The following ZNF883 variants were observed in gnomAD, a reference collection of about 807,000 sequenced individuals.
ZNF883 encodes the protein zinc finger protein 883.
At chr9:113,000,950 G>T (rs1004354142), upstream of ZNF883, among the ~76,000 whole-genome samples, 1 of 152,116 alleles carries the variant, frequency 6.6e-6, no homozygotes, top group Admixed American at 6.5e-5. Context: ...ATGCATTTAC[G>T]TTAGGGAGCA....
chr9:112,994,784 G>T (rs1170832201), downstream of ZNF883, among the ~76,000 whole-genome samples: 1 of 151,086 alleles, frequency 6.6e-6, no homozygotes, highest in African/African-American at 2.4e-5. Context: ...TATCATTTTA[G>T]TAGTTCTAAT....
At chr9:112,990,661 T>C (rs1277780691) in intron 1 of ZNF883, among the ~76,000 whole-genome samples, 1 of 152,184 alleles carries the variant, frequency 6.6e-6, no homozygotes, top group Non-Finnish European at 1.5e-5. Flanking sequence ...TCCTTTTCAA[T>C]TGTTTGGAAT....
upstream of ZNF883, among the ~76,000 whole-genome samples, chr9:113,001,066 A>C (rs987134801): frequency 2.0e-5 from 3 of 152,160 alleles, no homozygotes; most frequent in Non-Finnish European, 4.4e-5. Flanking sequence ...AAGTCTGAAC[A>C]GAGAAAGGAC....
At chr9:112,998,383 A>G, upstream of ZNF883, 1 of 711,748 alleles carries the variant, frequency 1.4e-6, no homozygotes, top group Non-Finnish European at 2.0e-6. Flanking sequence ...CCTTTCTTAT[A>G]TCTAATAAAT....
chr9:112,989,294 T>C (rs1303133873), intron 1 of ZNF883, among the ~76,000 whole-genome samples: 3 of 152,232 alleles, frequency 2.0e-5, no homozygotes, highest in African/African-American at 7.2e-5. Flanking sequence ...TGAGTTCATT[T>C]TTGTATAAGG....
At chr9:113,005,599 A>T (rs1248045897) in intron 2 of ZNF883, among the ~76,000 whole-genome samples, 7 of 152,200 alleles carry the variant, frequency 4.6e-5, no homozygotes, top group Non-Finnish European at 8.8e-5. Flanking sequence ...ATAAAGTCAC[A>T]TTACAACCAG....
intron 1 of ZNF883, among the ~76,000 whole-genome samples, chr9:112,988,843 G>A (rs533483933): frequency 1.1e-4 from 8 of 75,928 alleles, no homozygotes; most frequent in Admixed American, 8.1e-4. Flanking sequence ...ACTGGCATGA[G>A]ATGGCATCTC....
intron 2 of ZNF883, among the ~76,000 whole-genome samples, chr9:113,010,805 G>A (rs1461869930): frequency 6.6e-6 from 1 of 152,048 alleles, no homozygotes; most frequent in Non-Finnish European, 1.5e-5. Flanking sequence ...GCCCAACATG[G>A]TGAAACCCCA....
intron 2 of ZNF883, among the ~76,000 whole-genome samples, chr9:113,003,316 G>C (rs912488345): frequency 1.3e-5 from 2 of 151,990 alleles, no homozygotes; most frequent in Non-Finnish European, 2.9e-5. Flanking sequence ...CTCTTCCTTC[G>C]TCTTCTGCCA....
At chr9:112,997,368 A>AG in exon 1 of ZNF883, 3 of 1,614,036 alleles carry the variant, frequency 1.9e-6, no homozygotes, top group Non-Finnish European at 2.5e-6. Flanking sequence ...AGTTTCTGAC[A>AG]TTCATTACAT....
downstream of ZNF883, among the ~76,000 whole-genome samples, chr9:112,996,308 T>C (rs962764188): frequency 3.3e-5 from 5 of 152,334 alleles, no homozygotes; most frequent in Admixed American, 2.6e-4. Context: ...TAGAAAATAA[T>C]GCATAGTATC....
exon 1 of ZNF883, chr9:113,012,189 G>C (rs943444541): frequency 2.6e-5 from 4 of 152,120 alleles, no homozygotes; most frequent in African/African-American, 9.7e-5. Flanking sequence ...CGGGCGATGT[G>C]GTTCCCAAGC....
chr9:112,996,806 A>G (rs1390903928), downstream of ZNF883, among the ~76,000 whole-genome samples: 9 of 149,458 alleles, frequency 6.0e-5, no homozygotes, highest in East Asian at 1.4e-3. Context: ...AAAAAAAAAA[A>G]AAAAAAAAAA....
chr9:112,990,854 T>C (rs1418613827), intron 1 of ZNF883, among the ~76,000 whole-genome samples: 1 of 152,178 alleles, frequency 6.6e-6, no homozygotes, highest in Admixed American at 6.5e-5. Flanking sequence ...GGTGTATGTG[T>C]CCAGGAATGT....
intron 1 of ZNF883, among the ~76,000 whole-genome samples, chr9:112,991,270 G>C (rs766068806): frequency 8.5e-5 from 13 of 152,098 alleles, no homozygotes; most frequent in Admixed American, 6.6e-5. Context: ...CTGCATCACA[G>C]AGATTCTGGT....
At chr9:112,990,450 C>T (rs546426741) in intron 1 of ZNF883, among the ~76,000 whole-genome samples, 16 of 152,126 alleles carry the variant, frequency 1.1e-4, no homozygotes, top group Non-Finnish European at 1.5e-4. Context: ...AACCTTGCAT[C>T]CCAGGGATAA....
At chr9:112,997,304 TTC>T (rs755840872) in exon 1 of ZNF883, 14 of 1,614,066 alleles carry the variant, frequency 8.7e-6, no homozygotes, top group Non-Finnish European at 1.2e-5. Context: ...CTGGTAGGGT[TTC>T]TCTCCTGTAT....
At chr9:113,001,532 G>A (rs184940882), upstream of ZNF883, among the ~76,000 whole-genome samples, 8 of 152,122 alleles carry the variant, frequency 5.3e-5, no homozygotes, top group East Asian at 1.9e-4. Flanking sequence ...AAATACAGAC[G>A]AGGGGCTCTG....
chr9:113,006,945 C>T (rs1388609074), intron 2 of ZNF883, among the ~76,000 whole-genome samples: 1 of 152,066 alleles, frequency 6.6e-6, no homozygotes, highest in Non-Finnish European at 1.5e-5. Flanking sequence ...CCTGTAATCC[C>T]AGCATTTTGG....
Sources: gnomAD v4.1 joint callset for allele counts (sites outside exome capture counted in the v4.1 genomes callset) on GRCh38, gnomAD v4.1.1 for gene constraint, MANE v1.5 for transcripts, NCBI Gene and HGNC (gene_info 2026-07-23, HGNC 2026-07-21) for gene names.